Variants in MTUS2 observed in about 807,000 individuals in gnomAD.
MTUS2 encodes the protein microtubule-associated tumor suppressor candidate 2.
A neutral mutation model predicts 114.1 loss-of-function variants in MTUS2; 40 were observed. That is an observed-to-expected ratio of 0.35 (90% CI 0.27 to 0.46). The LOEUF (loss-of-function observed/expected upper bound fraction) is 0.46, where lower values mean the gene tolerates loss of function less well. MTUS2 is among the 20% of genes least tolerant of loss of function. The pLI, the probability that MTUS2 is intolerant of heterozygous loss-of-function variation, is 1.00. For missense variants in MTUS2, 1,679 were observed against 1,705.4 expected (o/e 0.98, Z 0.27); for synonymous variants, 688 against 672.0 (o/e 1.02, Z -0.37).
At chr13:29,428,491 C>A (rs1876723545) in intron 8 of MTUS2, 1 of 299,648 alleles carries the variant, frequency 3.3e-6, no homozygotes, top group Non-Finnish European at 6.1e-6. Context: ...TTTTAGGGAG[C>A]CGGCATTGGT....
At chr13:29,046,719 C>CT (rs1279813843) in intron 4 of MTUS2, among the ~76,000 whole-genome samples, 2 of 113,378 alleles carry the variant, frequency 1.8e-5, no homozygotes, top group South Asian at 3.5e-4. Flanking sequence ...TCATAGTACC[C>CT]CTCCCCCACC....
At chr13:28,868,309 G>A (rs2138091405) in intron 2 of MTUS2, among the ~76,000 whole-genome samples, 1 of 152,278 alleles carries the variant, frequency 6.6e-6, no homozygotes, top group Non-Finnish European at 1.5e-5. Context: ...TATTTCTGCA[G>A]TGGTTTAGCT....
At position 29,157,148 on chromosome 13, in the gene MTUS2, A is replaced by G. The variant is rs190452845; in HGVS notation, c.2644+56178A>G. Among the ~76,000 whole-genome samples the G allele has an allele frequency of 3.7e-3, 569 of 152,234 alleles. 1 individual carries two copies. The highest frequency in any genetic ancestry group is 5.0e-3 in the Non-Finnish European group (339 of 68,016). On this transcript the variant is annotated intron_variant, in intron 5 of 15. Coordinates refer to ENST00000612955, the MANE Select transcript of MTUS2 (RefSeq NM_001033602.4). ...TCGTGGGTATCTCGGTTTGTTTCCA[A>G]TGTGGAACTATTGCAAACTAAGCTG... is the stretch of plus-strand genomic sequence containing the variant.
At chr13:29,082,765 G>A (rs1408720122) in intron 4 of MTUS2, among the ~76,000 whole-genome samples, 1 of 152,110 alleles carries the variant, frequency 6.6e-6, no homozygotes, top group African/African-American at 2.4e-5. Context: ...TCAGCACATG[G>A]CCAGAATTTG....
intron 2 of MTUS2, among the ~76,000 whole-genome samples, chr13:28,999,154 A>G (rs4417411): frequency 0.022 from 3,355 of 152,176 alleles, 45 homozygotes; most frequent in East Asian, 0.053. Context: ...CTGGAGGTCC[A>G]CTCCAGACCC....
intron 5 of MTUS2, among the ~76,000 whole-genome samples, chr13:29,110,190 C>T (rs1890829660): frequency 6.6e-6 from 1 of 152,236 alleles, no homozygotes; most frequent in Non-Finnish European, 1.5e-5. Flanking sequence ...ATACATTAAT[C>T]TAAGCTGATG....
At chr13:29,000,307 CT>C (rs1885325458) in intron 2 of MTUS2, among the ~76,000 whole-genome samples, 1 of 152,102 alleles carries the variant, frequency 6.6e-6, no homozygotes, top group Non-Finnish European at 1.5e-5. Context: ...TTTCTTCTGA[CT>C]TTTGAAGGAC....
At chr13:29,260,726 A>G (rs1202095174) in intron 5 of MTUS2, among the ~76,000 whole-genome samples, 1 of 152,234 alleles carries the variant, frequency 6.6e-6, no homozygotes, top group Non-Finnish European at 1.5e-5. Context: ...TAAGGACTGT[A>G]TTTTGGATAA....
chr13:29,495,910 T>TTA (rs1391337106), intron 12 of MTUS2, among the ~76,000 whole-genome samples: 3 of 150,572 alleles, frequency 2.0e-5, no homozygotes, highest in African/African-American at 7.4e-5. Context: ...CTCTCTCTCT[T>TTA]TATATGTGTG....
chr13:29,300,876 C>A (rs145325659), intron 6 of MTUS2, among the ~76,000 whole-genome samples: 1 of 152,076 alleles, frequency 6.6e-6, no homozygotes. Context: ...TAAGACTGAG[C>A]GGCTTATAAA....
intron 9 of MTUS2, among the ~76,000 whole-genome samples, chr13:29,460,190 G>A (rs1473317952): frequency 6.6e-6 from 1 of 152,176 alleles, no homozygotes; most frequent in Non-Finnish European, 1.5e-5. Context: ...ACTTGCCCGA[G>A]GCTAGAAGTT....
chr13:29,250,626 C>G (rs1348579050), intron 5 of MTUS2: 1 of 151,818 alleles, frequency 6.6e-6, no homozygotes, highest in African/African-American at 2.4e-5. Context: ...TTTGTCCACT[C>G]TCCGCATTTC....
chr13:28,827,538 A>G (rs1874347344), intron 1 of MTUS2, among the ~76,000 whole-genome samples: 1 of 152,230 alleles, frequency 6.6e-6, no homozygotes, highest in South Asian at 2.1e-4. Flanking sequence ...ATCTCAGTTT[A>G]GAGAATAACA....
chr13:28,862,446 A>G (rs1320293873), intron 2 of MTUS2, among the ~76,000 whole-genome samples: 1 of 152,154 alleles, frequency 6.6e-6, no homozygotes, highest in Non-Finnish European at 1.5e-5. Context: ...CCCTGTCTCT[A>G]CTAAAAATTC....
chr13:29,353,953 A>G (rs1221553533), intron 7 of MTUS2, among the ~76,000 whole-genome samples: 2 of 152,156 alleles, frequency 1.3e-5, no homozygotes, highest in African/African-American at 2.4e-5. Context: ...GTCACTCTTC[A>G]GATCTTCAGA....
At chr13:29,317,445 T>TA (rs1358755548) in intron 6 of MTUS2, among the ~76,000 whole-genome samples, 1 of 11,128 alleles carries the variant, frequency 9.0e-5, no homozygotes, top group Admixed American at 1.7e-3. Context: ...TTTTTTTTTT[T>TA]TTTTGAGACG....
At chr13:29,184,130 A>C (rs1472453629) in intron 5 of MTUS2, among the ~76,000 whole-genome samples, 3 of 152,190 alleles carry the variant, frequency 2.0e-5, no homozygotes, top group African/African-American at 7.2e-5. Flanking sequence ...CATTATCTAC[A>C]ATTCAATATT....
At chr13:29,431,563 G>T (rs1340359928) in intron 8 of MTUS2, among the ~76,000 whole-genome samples, 1 of 152,176 alleles carries the variant, frequency 6.6e-6, no homozygotes, top group Non-Finnish European at 1.5e-5. Context: ...CCTGTTTCTG[G>T]AATTTAGTGA....
intron 4 of MTUS2, among the ~76,000 whole-genome samples, chr13:29,055,825 T>C (rs1888108603): frequency 6.8e-6 from 1 of 146,964 alleles, no homozygotes; most frequent in Admixed American, 6.9e-5. Flanking sequence ...GGGCATTTTT[T>C]CATGGATTTG....
Sources: allele counts gnomAD v4.1 joint callset (sites outside exome capture counted in the v4.1 genomes callset), GRCh38; gene constraint gnomAD v4.1.1; transcripts MANE v1.5; gene names NCBI Gene and HGNC (gene_info 2026-07-23, HGNC 2026-07-21).